Variants in FBXL7 observed in about 807,000 individuals in gnomAD.
FBXL7 encodes F-box and leucine rich repeat protein 7, also known as F-box/LRR-repeat protein 7.
A neutral mutation model predicts 38.3 loss-of-function variants in FBXL7; 12 were observed. That is an observed-to-expected ratio of 0.31 (90% CI 0.20 to 0.51). FBXL7 has a LOEUF of 0.51. Among genes scored for constraint, FBXL7 ranks in the 20% least tolerant of loss-of-function variants. FBXL7 has a pLI of 0.98. For synonymous variants in FBXL7, 297 were observed against 300.9 expected, an observed-to-expected ratio of 0.99 and a Z score of 0.13; for missense variants, 567 against 676.4, an observed-to-expected ratio of 0.84 and a Z score of 1.79.
intron 2 of FBXL7, among the ~76,000 whole-genome samples, chr5:15,734,909 G>A (rs920662348): frequency 6.6e-6 from 1 of 152,116 alleles, no homozygotes; most frequent in Non-Finnish European, 1.5e-5. Flanking sequence ...TACTCTATTA[G>A]ACAACATGGA....
chr5:15,710,572 T>G (rs930309602), intron 2 of FBXL7, among the ~76,000 whole-genome samples: 18 of 152,208 alleles, frequency 1.2e-4, no homozygotes, highest in African/African-American at 4.3e-4. Context: ...ATATTTTGAT[T>G]AATGTCTCTC....
intron 2 of FBXL7, among the ~76,000 whole-genome samples, chr5:15,802,615 G>C (rs1242985678): frequency 6.6e-6 from 1 of 150,566 alleles, no homozygotes; most frequent in African/African-American, 2.4e-5. Flanking sequence ...CACCATCCCT[G>C]ATAAACTAGC....
intron 2 of FBXL7, among the ~76,000 whole-genome samples, chr5:15,746,661 G>A (rs577026934): frequency 2.0e-5 from 3 of 152,048 alleles, no homozygotes; most frequent in South Asian, 4.2e-4. Flanking sequence ...AGGTCTCAAC[G>A]TACAAATTTG....
intron 2 of FBXL7, among the ~76,000 whole-genome samples, chr5:15,777,077 T>C (rs1420359670): frequency 6.6e-6 from 1 of 152,084 alleles, no homozygotes; most frequent in Non-Finnish European, 1.5e-5. Flanking sequence ...TAAAATATAT[T>C]TCACATTCAT....
At chr5:15,809,757 C>T (rs1344181705) in intron 2 of FBXL7, among the ~76,000 whole-genome samples, 1 of 152,040 alleles carries the variant, frequency 6.6e-6, no homozygotes, top group African/African-American at 2.4e-5. Flanking sequence ...CTCTGAGGCA[C>T]TAAGCTAAAT....
intron 2 of FBXL7, among the ~76,000 whole-genome samples, chr5:15,760,047 ATTTT>A (rs559909063): frequency 6.7e-6 from 1 of 149,850 alleles, no homozygotes; most frequent in South Asian, 2.1e-4. Flanking sequence ...GAATTATTTC[ATTTT>A]TTTTTTCAAT....
intron 1 of FBXL7, among the ~76,000 whole-genome samples, chr5:15,527,258 C>T (rs1384591771): frequency 1.3e-5 from 2 of 152,286 alleles, no homozygotes; most frequent in African/African-American, 4.8e-5. Flanking sequence ...GGTCTTTTCA[C>T]TGCCCTACAT....
intron 2 of FBXL7, among the ~76,000 whole-genome samples, chr5:15,894,411 A>C (rs961315917): frequency 6.6e-6 from 1 of 152,388 alleles, no homozygotes. Flanking sequence ...AAAGCTGATA[A>C]CATTTTTATT....
chr5:15,831,241 A>C (rs1023864259), intron 2 of FBXL7, among the ~76,000 whole-genome samples: 1 of 152,166 alleles, frequency 6.6e-6, no homozygotes. Context: ...GTATCTGAGA[A>C]GAGGTGGGAA....
At chr5:15,601,309 A>G (rs1276440953) in intron 1 of FBXL7, among the ~76,000 whole-genome samples, 1 of 152,122 alleles carries the variant, frequency 6.6e-6, no homozygotes, top group African/African-American at 2.4e-5. Flanking sequence ...TAGTGATGTT[A>G]TTAGCGTAAA....
intron 2 of FBXL7, among the ~76,000 whole-genome samples, chr5:15,659,987 CTA>C: frequency 6.6e-6 from 1 of 152,296 alleles, no homozygotes; most frequent in East Asian, 1.9e-4. Context: ...AACCAAATGA[CTA>C]TGAAAAATGC....
At chr5:15,818,741 T>TGAGAGA (rs1317996905) in intron 2 of FBXL7, among the ~76,000 whole-genome samples, 3 of 43,166 alleles carry the variant, frequency 6.9e-5, no homozygotes, top group Admixed American at 3.4e-4. Context: ...TGTGTGTGTG[T>TGAGAGA]GTGAGAGAGA....
intron 1 of FBXL7, among the ~76,000 whole-genome samples, chr5:15,519,579 A>G (rs550250441): frequency 6.6e-6 from 1 of 152,302 alleles, no homozygotes; most frequent in East Asian, 1.9e-4. Flanking sequence ...CCTTTGGAGA[A>G]TCCCTTCAGA....
intron 2 of FBXL7, among the ~76,000 whole-genome samples, chr5:15,763,379 A>G (rs749711278): frequency 6.6e-6 from 1 of 152,232 alleles, no homozygotes; most frequent in East Asian, 1.9e-4. Flanking sequence ...AACAATTTAC[A>G]TAAATAAGTG....
chr5:15,748,974 G>A (rs556260106), intron 2 of FBXL7, among the ~76,000 whole-genome samples: 5 of 152,270 alleles, frequency 3.3e-5, no homozygotes, highest in South Asian at 4.1e-4. Context: ...GCCTCGCACG[G>A]TGGCTTATGC....
At chr5:15,769,345 G>A (rs1736671191) in intron 2 of FBXL7, among the ~76,000 whole-genome samples, 2 of 152,224 alleles carry the variant, frequency 1.3e-5, no homozygotes, top group Admixed American at 1.3e-4. Context: ...TATGATGAGT[G>A]TGTGTGTTGT....
intron 2 of FBXL7, among the ~76,000 whole-genome samples, chr5:15,761,777 C>A (rs369695915): frequency 6.6e-6 from 1 of 152,124 alleles, no homozygotes; most frequent in Non-Finnish European, 1.5e-5. Context: ...AACTCCTGGA[C>A]TCGAGTGATC....
At chr5:15,822,752 A>G (rs1305703067) in intron 2 of FBXL7, among the ~76,000 whole-genome samples, 1 of 151,948 alleles carries the variant, frequency 6.6e-6, no homozygotes, top group Non-Finnish European at 1.5e-5. Context: ...TCATATCTCA[A>G]AATAACCTGA....
chr5:15,744,564 T>A (rs947009838), intron 2 of FBXL7, among the ~76,000 whole-genome samples: 2 of 152,236 alleles, frequency 1.3e-5, no homozygotes, highest in African/African-American at 4.8e-5. Context: ...AGTTCCAAAC[T>A]TTCTCACACT....
Sources: gnomAD v4.1 joint callset for allele counts (sites outside exome capture counted in the v4.1 genomes callset) on GRCh38, gnomAD v4.1.1 for gene constraint, MANE v1.5 for transcripts, NCBI Gene and HGNC (gene_info 2026-07-23, HGNC 2026-07-21) for gene names.